Variants in TRAP1 observed in about 807,000 individuals in gnomAD.
TRAP1 encodes TNF receptor associated protein 1, also known as heat shock protein 75 kDa, mitochondrial.
Under a neutral mutation model 89.1 loss-of-function variants are expected in TRAP1, and 102 were observed. That is an observed-to-expected ratio of 1.15 (90% CI 0.98 to 1.35). The LOEUF (loss-of-function observed/expected upper bound fraction) is 1.35, where lower values mean the gene tolerates loss of function less well. TRAP1 is among the 40% of genes most tolerant of loss of function. The pLI is 0.00. For synonymous variants in TRAP1, 508 were observed against 388.0 expected (o/e 1.31, Z -3.64); for missense variants, 1,256 against 945.3 (o/e 1.33, Z -4.31).
In TRAP1 at chr16:3,664,344, A is replaced by T. The variant is rs1393738845; in HGVS notation, c.1499T>A (p.Leu500Gln). ...MRAGTRNIYY[L>Q]CAPNRHLAEH... Reference sequence around the variant, plus strand: ...TGCCAGGTGACGGTTGGGGGCGCACAGGTAGTAGATGTTGCGGGTGCCGGC... The same window carrying T: ...TGCCAGGTGACGGTTGGGGGCGCACTGGTAGTAGATGTTGCGGGTGCCGGC... Residue 500 changes from leucine to glutamine, a missense_variant, in exon 13 of 18, where the codon CTG becomes CAG. By Grantham distance (113) the Leu-to-Gln change is moderately radical (BLOSUM62 -2). Coordinates refer to ENST00000246957, the MANE Select transcript of TRAP1 (RefSeq NM_016292.3). The T allele has an allele frequency of 1.9e-6, 3 of 1,612,122 alleles. No individual in the cohort carries two copies. Among genetic ancestry groups the T allele is most frequent in the Non-Finnish European group, 2.5e-6 (3 of 1,179,268 alleles).
chr16:3,660,399 G>A (rs1021854996), intron 16 of TRAP1: 1 of 152,256 alleles, frequency 6.6e-6, no homozygotes, highest in African/African-American at 2.4e-5. Flanking sequence ...CACTTTGGGA[G>A]GCCAAGGCTG....
In TRAP1 at chr16:3,658,540, G is replaced by GC. The variant is rs144902185; in HGVS notation, c.2013+252dup. 1,642 of 573,552 alleles carry GC rather than the reference G, an allele frequency of 2.9e-3. 26 individuals carry two copies. Among genetic ancestry groups the GC allele is most frequent in the African/African-American group, 0.028 (1,500 of 53,456 alleles). The allele number at this position is 573,552 out of a possible 1,614,324, so 35.5% of individuals were successfully genotyped here. ...TCTACTAAAATACAAAATTAGCCAG[G>GC]CGCATGCCTGTAGTCCCAGCTACTC... On this transcript the variant is annotated intron_variant, in intron 17 of 17. Transcript: ENST00000246957.
chr16:3,669,586 G>T (rs546904255), intron 11 of TRAP1, among the ~76,000 whole-genome samples: 1 of 152,006 alleles, frequency 6.6e-6, no homozygotes, highest in African/African-American at 2.4e-5. Flanking sequence ...TGTAATCCCA[G>T]AACTTTGGGA....
Position 3,663,593 on chromosome 16 carries a change from C to T in TRAP1, c.1570-31G>A. On this transcript the variant is annotated intron_variant, in intron 13 of 17. Coordinates refer to ENST00000246957, the MANE Select transcript of TRAP1 (RefSeq NM_016292.3). The stretch of plus-strand genomic sequence containing the variant: ...GGTGGCCAAGAGCAGCTCCATCAGA[C>T]CCCGGGGGCCTCCAGCCACCACAGA... 2.5e-6 allele frequency: 4 copies of T among 1,611,798 alleles called. No homozygotes were observed. In the South Asian group the frequency reaches 4.4e-5, roughly 18 times the overall value.
In TRAP1 at chr16:3,677,515, G is replaced by C. The variant is rs777455479; in HGVS notation, c.687C>G (p.Tyr229Ter). The change falls in exon 6 of 18, where the codon TAC becomes TAG. Residue 229 changes from tyrosine to a stop codon, truncating the protein, a stop_gained. Coordinates refer to ENST00000246957, the MANE Select transcript of TRAP1 (RefSeq NM_016292.3). LOFTEE classifies it high-confidence loss of function. The stretch of plus-strand genomic sequence containing the variant: ...TCACTCACCCATCTGAAAGCCACTG[G>C]TAACCCAGGCTCCCCGGGGCTGCCG... ...SRSAAPGSLGYQWLSDGSGVF... is the reference protein window; with the variant it reads ...SRSAAPGSLG The C allele has an allele frequency of 5.6e-6, 9 of 1,614,060 alleles. No individual in the cohort carries two copies. Among genetic ancestry groups the C allele is most frequent in the South Asian group, 1.1e-5 (1 of 91,092 alleles).
At chr16:3,666,186 G>A (rs542814599) in intron 11 of TRAP1, 68 bp from the exon 12 acceptor site, 16 of 1,530,168 alleles carry the variant, frequency 1.0e-5, no homozygotes, top group Middle Eastern at 1.8e-4. Flanking sequence ...CAGAGGGTAC[G>A]AAAAAATGTT....
At chr16:3,705,165 T>C (rs893794733) in intron 1 of TRAP1, among the ~76,000 whole-genome samples, 1 of 152,178 alleles carries the variant, frequency 6.6e-6, no homozygotes. Flanking sequence ...CCTGGGTTCA[T>C]GCCATTCTCC....
intron 1 of TRAP1, among the ~76,000 whole-genome samples, chr16:3,715,888 A>G (rs2051592022): frequency 6.6e-6 from 1 of 152,332 alleles, no homozygotes; most frequent in Non-Finnish European, 1.5e-5. Context: ...GTTGAGATGA[A>G]GTCTCACTCT....
At chr16:3,706,456 CTTTTTT>C (rs34658116) in intron 1 of TRAP1, among the ~76,000 whole-genome samples, 6 of 98,968 alleles carry the variant, frequency 6.1e-5, no homozygotes, top group East Asian at 3.0e-4. Context: ...TATTTGCACT[CTTTTTT>C]TTTTTTTTTT....
chr16:3,675,006 T>G, intron 8 of TRAP1: 1 of 370,480 alleles, frequency 2.7e-6, no homozygotes, highest in Non-Finnish European at 5.0e-6. Context: ...TGGGATGTTC[T>G]GGAATTGATG....
At chr16:3,665,167 C>G (rs1049466112) in intron 12 of TRAP1, 2 of 152,226 alleles carry the variant, frequency 1.3e-5, no homozygotes, top group Non-Finnish European at 2.9e-5. Context: ...GCTGTTAACT[C>G]AAATGAAGAT....
intron 1 of TRAP1, among the ~76,000 whole-genome samples, chr16:3,697,947 C>A (rs2051312042): frequency 6.6e-6 from 1 of 151,518 alleles, no homozygotes; most frequent in Admixed American, 6.6e-5. Flanking sequence ...CACCACCATG[C>A]CCGGCTAACT....
intron 2 of TRAP1, among the ~76,000 whole-genome samples, chr16:3,690,073 T>C (rs1014726518): frequency 1.7e-4 from 26 of 152,172 alleles, no homozygotes; most frequent in African/African-American, 6.3e-4. Context: ...AGTGGCAGGA[T>C]CGTGCTCACT....
intron 1 of TRAP1, among the ~76,000 whole-genome samples, chr16:3,697,446 C>T (rs188885698): frequency 6.6e-5 from 10 of 152,030 alleles, no homozygotes; most frequent in South Asian, 6.2e-4. Context: ...GGGAGGATCA[C>T]GAGGTCAGGA....
intron 11 of TRAP1, among the ~76,000 whole-genome samples, chr16:3,669,247 T>C (rs1261779204): frequency 6.6e-6 from 1 of 152,128 alleles, no homozygotes; most frequent in Non-Finnish European, 1.5e-5. Context: ...ACAGGGTCAG[T>C]ACACCAAAGA....
chr16:3,717,129 C>T (rs1382660359), intron 1 of TRAP1, among the ~76,000 whole-genome samples: 1 of 152,250 alleles, frequency 6.6e-6, no homozygotes, highest in African/African-American at 2.4e-5. Context: ...ACCGAAGCTC[C>T]AGGAGGGACG....
chr16:3,701,757 T>C (rs910230556), intron 1 of TRAP1, among the ~76,000 whole-genome samples: 6 of 152,092 alleles, frequency 3.9e-5, no homozygotes, highest in Non-Finnish European at 8.8e-5. Flanking sequence ...CTTACTACAG[T>C]CATACAAGTA....
chr16:3,708,764 T>C (rs931981147), intron 1 of TRAP1, among the ~76,000 whole-genome samples: 1 of 149,776 alleles, frequency 6.7e-6, no homozygotes, highest in African/African-American at 2.5e-5. Context: ...TACAGTAAGG[T>C]GAGATGGCGC....
At chr16:3,697,751 T>C (rs2051309039) in intron 1 of TRAP1, among the ~76,000 whole-genome samples, 1 of 152,020 alleles carries the variant, frequency 6.6e-6, no homozygotes, top group South Asian at 2.1e-4. Flanking sequence ...TGTTTCATTT[T>C]TCTAGTCTTT....
Sources: gnomAD v4.1 joint callset for allele counts (sites outside exome capture counted in the v4.1 genomes callset) on GRCh38, gnomAD v4.1.1 for gene constraint, MANE v1.5 for transcripts, NCBI Gene and HGNC (gene_info 2026-07-23, HGNC 2026-07-21) for gene names.